CDCA4: variants seen among roughly 807,000 people sequenced by gnomAD.
CDCA4 encodes cell division cycle associated 4.
For missense variants in CDCA4, 294 were observed against 322.1 expected (o/e 0.91, Z 0.67); for synonymous variants, 130 against 137.0 (o/e 0.95, Z 0.36).
intron 1 of CDCA4, among the ~76,000 whole-genome samples, chr14:105,019,433 C>G (rs969247063): frequency 6.6e-6 from 1 of 152,226 alleles, no homozygotes; most frequent in East Asian, 1.9e-4. Flanking sequence ...AGATTCTGAT[C>G]AGTAGGGCTG....
intron 1 of CDCA4, among the ~76,000 whole-genome samples, chr14:105,020,499 G>A (rs945200309): frequency 1.3e-5 from 2 of 152,142 alleles, no homozygotes; most frequent in African/African-American, 4.8e-5. Flanking sequence ...TCGCACCGCC[G>A]GAGGAGCCCA....
In CDCA4 at chr14:105,011,735, C is replaced by T. The variant is rs778065878; in HGVS notation, c.195G>A (p.Thr65=). 13 of 1,613,612 alleles carry T rather than the reference C, an allele frequency of 8.1e-6. No individual in the cohort carries two copies. The highest frequency in any genetic ancestry group is 4.5e-5 in the East Asian group (2 of 44,898). ...NLCRSVLIAN[T]VRQIQEEMTQ... ...TCATCTCCTCTTGGATCTGCCGGAC[C>T]GTGTTGGCAATGAGGACTGAGCGGC... Residue 65 remains threonine, a synonymous_variant, in exon 2 of 2, where the codon ACG becomes ACA. Coordinates refer to ENST00000336219, the MANE Select transcript of CDCA4 (RefSeq NM_017955.4).
chr14:105,018,551 C>T (rs1241974810), intron 1 of CDCA4, among the ~76,000 whole-genome samples: 1 of 152,042 alleles, frequency 6.6e-6, no homozygotes, highest in African/African-American at 2.4e-5. Context: ...TGGGTTATAT[C>T]TGTGTTTGGG....
At chr14:105,017,936 T>G (rs573338033) in intron 1 of CDCA4, among the ~76,000 whole-genome samples, 1 of 152,118 alleles carries the variant, frequency 6.6e-6, no homozygotes, top group Non-Finnish European at 1.5e-5. Context: ...ACCTCAATGA[T>G]TTATGCAACA....
intron 1 of CDCA4, among the ~76,000 whole-genome samples, chr14:105,012,746 G>A (rs551509087): frequency 7.7e-5 from 10 of 129,616 alleles, no homozygotes; most frequent in South Asian, 2.6e-4. Flanking sequence ...CCCCCCACCC[G>A]CCCCACCAGT....
rs1900483509 is a variant in CDCA4 at position 105,011,016 on chromosome 14, C to A, written c.*188G>T. ...CCAGAACAGCCTCTGCCTGGCGCTCCACAGGGGGGAGGTGAGTGGGACGGG... is the reference window on the plus strand; with the variant it reads ...CCAGAACAGCCTCTGCCTGGCGCTCAACAGGGGGGAGGTGAGTGGGACGGG... On this transcript the variant is annotated 3_prime_UTR_variant, in exon 2 of 2. Coordinates refer to ENST00000336219, the MANE Select transcript of CDCA4 (RefSeq NM_017955.4). The A allele has an allele frequency of 7.3e-6, 5 of 688,488 alleles. No homozygotes were observed. In the Admixed American group the frequency reaches 9.2e-5, roughly 13 times the overall value. 42.6% of individuals were successfully genotyped at this position (688,488 alleles called of 1,614,324 possible). A position where few individuals can be genotyped will look rare whatever the true frequency, so the allele number is the denominator to read the frequency against.
chr14:105,020,495 C>G (rs2140913093), intron 1 of CDCA4, among the ~76,000 whole-genome samples: 1 of 152,352 alleles, frequency 6.6e-6, no homozygotes, highest in East Asian at 1.9e-4. Context: ...CACCTCGCAC[C>G]GCCGGAGGAG....
intron 1 of CDCA4, among the ~76,000 whole-genome samples, chr14:105,016,367 G>A (rs1900655757): frequency 1.3e-5 from 2 of 152,172 alleles, no homozygotes; most frequent in African/African-American, 4.8e-5. Context: ...AATGATACCA[G>A]TTTCTAACTT....
At chr14:105,017,649 A>G (rs903439002) in intron 1 of CDCA4, among the ~76,000 whole-genome samples, 86 of 152,094 alleles carry the variant, frequency 5.7e-4, no homozygotes, top group South Asian at 4.1e-4. Flanking sequence ...GGCCAACACG[A>G]TGAAACCCCA....
rs137858564 is a variant in CDCA4, at chr14:105,011,362, C to T, written c.568G>A (p.Asp190Asn). Residue 190 changes from aspartate (D) to asparagine (N), a missense_variant, in exon 2 of 2, where the codon GAC (aspartate) becomes AAC (asparagine). By Grantham distance (23) the Asp-to-Asn change is conservative (BLOSUM62 1). Transcript: ENST00000336219. ...ATGCCTGTCAGTACTGTGTCCAGGT[C>T]GTAGTAGGGGCTGTCCACGTCTGAG... ...LFSDVDSPYYDLDTVLTGMMG... is the reference protein window; with the variant it reads ...LFSDVDSPYYNLDTVLTGMMG... 367 of 1,614,198 alleles carry T rather than the reference C, an allele frequency of 2.3e-4. No individual in the cohort carries two copies. In the African/African-American group the frequency reaches 3.4e-3, roughly 15 times the overall value.
chr14:105,019,202 A>G (rs1209840678), intron 1 of CDCA4, among the ~76,000 whole-genome samples: 1 of 152,184 alleles, frequency 6.6e-6, no homozygotes, highest in African/African-American at 2.4e-5. Flanking sequence ...AGAGGGCCAG[A>G]CGGACTGAGG....
At position 105,018,753 on chromosome 14, in the gene CDCA4, T is replaced by TA. The variant is rs1566940119; in HGVS notation, c.-7+2245_-7+2246insT. Among the ~76,000 whole-genome samples, 166 of 151,490 alleles carry TA rather than the reference T, an allele frequency of 1.1e-3. 2 individuals carry two copies. The East Asian group carries it at 0.023, about 21-fold the overall frequency. ...CCCTGCTCAATTTTTTTTTTTTTTT[T>TA]TAAGACAGAGTCTCATTCTGTCCCC... On this transcript the variant is annotated intron_variant, in intron 1 of 1. Coordinates refer to ENST00000336219, the MANE Select transcript of CDCA4 (RefSeq NM_017955.4).
intron 1 of CDCA4, 74 bp from the exon 2 acceptor site, chr14:105,012,009 G>T: frequency 6.6e-7 from 1 of 1,512,470 alleles, no homozygotes. Flanking sequence ...GATTTCGTCT[G>T]ACTGCCCTCA....
At chr14:105,020,777 C>A (rs1055910950) in intron 1 of CDCA4, among the ~76,000 whole-genome samples, 27 of 152,032 alleles carry the variant, frequency 1.8e-4, no homozygotes, top group Admixed American at 7.2e-4. Flanking sequence ...CCCTCTGTTC[C>A]CCGGGCCCCC....
chr14:105,017,221 T>TC (rs1184967824), intron 1 of CDCA4, among the ~76,000 whole-genome samples: 1 of 151,660 alleles, frequency 6.6e-6, no homozygotes, highest in African/African-American at 2.4e-5. Context: ...TTGTAAGCAT[T>TC]CTTTTTTTTT....
In CDCA4 at chr14:105,011,757, C is replaced by T. The variant is rs1237346996; in HGVS notation, c.173G>A (p.Arg58His). The change falls in exon 2 of 2, where the codon CGC (arginine) becomes CAC (histidine). Residue 58 changes from arginine to histidine, a missense_variant. Transcript: ENST00000336219. The part of the protein sequence containing the change: ...CHMLVEPNLC[R>H]SVLIANTVRQ... ...GACCGTGTTGGCAATGAGGACTGAG[C>T]GGCACAGGTTGGGCTCCACAAGCAT... is the stretch of plus-strand genomic sequence containing the variant. The T allele has an allele frequency of 2.5e-6, 4 of 1,613,564 alleles. No homozygotes were observed. Among genetic ancestry groups the T allele is most frequent in the East Asian group, 2.2e-5 (1 of 44,898 alleles).
chr14:105,018,335 A>C (rs1360678195), intron 1 of CDCA4, among the ~76,000 whole-genome samples: 1 of 152,084 alleles, frequency 6.6e-6, no homozygotes, highest in African/African-American at 2.4e-5. Context: ...CAATGTTCCA[A>C]ATCTCCAGCA....
intron 1 of CDCA4, among the ~76,000 whole-genome samples, chr14:105,018,432 CT>C (rs1156829385): frequency 3.9e-5 from 6 of 152,166 alleles, no homozygotes; most frequent in Non-Finnish European, 8.8e-5. Flanking sequence ...CTCACAGGTG[CT>C]TTTTACAGTC....
At chr14:105,020,323 A>G (rs562515216) in intron 1 of CDCA4, among the ~76,000 whole-genome samples, 1 of 152,352 alleles carries the variant, frequency 6.6e-6, no homozygotes, top group East Asian at 1.9e-4. Flanking sequence ...TGCGTCCCAC[A>G]CGAAGGCCAC....
Sources: gnomAD v4.1 joint callset for allele counts (sites outside exome capture counted in the v4.1 genomes callset) on GRCh38, gnomAD v4.1.1 for gene constraint, MANE v1.5 for transcripts, NCBI Gene and HGNC (gene_info 2026-07-23, HGNC 2026-07-21) for gene names.